Variants in NDUFAB1 observed in about 807,000 individuals in gnomAD.
NDUFAB1 encodes the protein acyl carrier protein, mitochondrial.
Under a neutral mutation model 16.1 loss-of-function variants are expected in NDUFAB1, and 5 were observed. That is an observed-to-expected ratio of 0.31 (90% CI 0.16 to 0.65). The LOEUF (loss-of-function observed/expected upper bound fraction) is 0.65. Among genes scored for constraint, NDUFAB1 ranks in the 30% least tolerant of loss-of-function variants. The pLI, the probability that NDUFAB1 is intolerant of heterozygous loss-of-function variation, is 0.77. For missense variants in NDUFAB1, 187 were observed against 205.3 expected, an observed-to-expected ratio of 0.91 and a Z score of 0.54; for synonymous variants, 85 against 78.4, an observed-to-expected ratio of 1.08 and a Z score of -0.44.
chr16:23,595,598 C>T (rs935448042), intron 1 of NDUFAB1: 15 of 456,134 alleles, frequency 3.3e-5, no homozygotes, highest in Non-Finnish European at 6.2e-5. Context: ...GGCTTGTTTC[C>T]TAGAATTACT....
At chr16:23,584,207 T>A (rs1307114629) in intron 3 of NDUFAB1, among the ~76,000 whole-genome samples, 6 of 118,548 alleles carry the variant, frequency 5.1e-5, no homozygotes, top group Admixed American at 4.0e-4. Flanking sequence ...TATTGTCCTA[T>A]GACCCTGCCA....
At chr16:23,592,166 G>A (rs1295553713) in intron 1 of NDUFAB1, among the ~76,000 whole-genome samples, 1 of 152,172 alleles carries the variant, frequency 6.6e-6, no homozygotes, top group African/African-American at 2.4e-5. Flanking sequence ...AATTCAAGGA[G>A]AGGGAAGAAC....
At chr16:23,584,273 A>AAAAAAAAAAAAAAAAAAAAAAC in intron 3 of NDUFAB1, among the ~76,000 whole-genome samples, 1 of 139,726 alleles carries the variant, frequency 7.2e-6, no homozygotes, top group African/African-American at 2.6e-5. Context: ...AAAAAAAAAA[A>AAAAAAAAAAAAAAAAAAAAAAC]AGAAACCCAG....
chr16:23,594,375 A>T (rs900197320), intron 1 of NDUFAB1, among the ~76,000 whole-genome samples: 3 of 151,304 alleles, frequency 2.0e-5, no homozygotes, highest in African/African-American at 7.3e-5. Flanking sequence ...TGGCTGGCTT[A>T]TTTAAGACGG....
intron 1 of NDUFAB1, among the ~76,000 whole-genome samples, chr16:23,593,493 A>T (rs541883246): frequency 1.1e-4 from 17 of 152,240 alleles, no homozygotes; most frequent in Non-Finnish European, 2.2e-4. Flanking sequence ...CTGGCCCTCA[A>T]TATCTTTGAA....
At chr16:23,593,626 C>T (rs1966297277) in intron 1 of NDUFAB1, among the ~76,000 whole-genome samples, 1 of 152,186 alleles carries the variant, frequency 6.6e-6, no homozygotes, top group African/African-American at 2.4e-5. Context: ...GTCCAAGGAA[C>T]ACCCGCAGCA....
At chr16:23,582,026 A>T (rs1338986699) in intron 4 of NDUFAB1, 1 of 307,422 alleles carries the variant, frequency 3.3e-6, no homozygotes. Flanking sequence ...TACTTTGTAC[A>T]ATGTTCTGCT....
At chr16:23,592,536 C>CA in intron 1 of NDUFAB1, among the ~76,000 whole-genome samples, 1 of 151,824 alleles carries the variant, frequency 6.6e-6, no homozygotes, top group East Asian at 1.9e-4. Flanking sequence ...GAATAGCTAG[C>CA]TTTTTTTTGT....
intron 1 of NDUFAB1, among the ~76,000 whole-genome samples, chr16:23,590,680 A>C (rs1966272852): frequency 1.5e-5 from 2 of 137,192 alleles, no homozygotes; most frequent in East Asian, 2.2e-4. Flanking sequence ...TGTGTTGCCC[A>C]GGCTGGAGTG....
intron 1 of NDUFAB1, among the ~76,000 whole-genome samples, chr16:23,594,517 TA>T (rs1966306457): frequency 6.6e-6 from 1 of 150,420 alleles, no homozygotes; most frequent in African/African-American, 2.4e-5. Context: ...CACGCCCGGA[TA>T]ATTTTTTGTA....
chr16:23,596,252 C>T lies in NDUFAB1; in HGVS notation c.39G>A (p.Leu13=). The change falls in exon 1 of 5, where the codon CTG becomes CTA. Residue 13 remains leucine, a synonymous_variant. Transcript: ENST00000007516. ...GGGGCAGCGGCGCAAAGGCCGCGGG[C>T]AGGCGGCTGACATAGGCTGAAAGGA... ...SRVLSAYVSR[L]PAAFAPLPRV... is the part of the protein sequence containing the mutation. 2 of 1,597,728 alleles carry T rather than the reference C, an allele frequency of 1.3e-6. No individual in the cohort carries two copies. Among genetic ancestry groups the T allele is most frequent in the Non-Finnish European group, 1.7e-6 (2 of 1,173,552 alleles).
intron 1 of NDUFAB1, among the ~76,000 whole-genome samples, chr16:23,592,047 AGAAGTATCT>A (rs1966284687): frequency 6.6e-6 from 1 of 152,240 alleles, no homozygotes; most frequent in South Asian, 2.1e-4. Context: ...GCACCATGAC[AGAAGTATCT>A]GTAGGCTGAT....
chr16:23,587,583 C>G lies in NDUFAB1; in HGVS notation c.169-264G>C, dbSNP rs532340150. ...CTGGCTTCAACCCTCAGGCTCTGGA[C>G]ATTCATACTGCTCTGCGACACTAAC... On this transcript the variant is annotated intron_variant, in intron 1 of 4. Coordinates refer to ENST00000007516, the MANE Select transcript of NDUFAB1 (RefSeq NM_005003.3). Among the ~76,000 whole-genome samples, 14 of 152,334 alleles carry G rather than the reference C, an allele frequency of 9.2e-5. No homozygotes were observed. The South Asian group carries it at 1.9e-3, about 20-fold the overall frequency.
intron 2 of NDUFAB1, among the ~76,000 whole-genome samples, chr16:23,586,478 G>A (rs1297214734): frequency 1.3e-5 from 2 of 151,648 alleles, no homozygotes; most frequent in Admixed American, 6.6e-5. Context: ...GGGATTACAG[G>A]TGTCTGCCAC....
intron 1 of NDUFAB1, among the ~76,000 whole-genome samples, chr16:23,593,853 T>C (rs1381153883): frequency 2.0e-5 from 1 of 49,866 alleles, no homozygotes; most frequent in East Asian, 1.2e-3. Context: ...TTAACCCTTA[T>C]TTATTTATTT....
intron 3 of NDUFAB1, among the ~76,000 whole-genome samples, chr16:23,583,594 A>G (rs918149647): frequency 1.3e-4 from 19 of 142,804 alleles, no homozygotes; most frequent in Non-Finnish European, 2.9e-4. Flanking sequence ...CCCCTCTGAG[A>G]AGTGAGGAGC....
intron 1 of NDUFAB1, among the ~76,000 whole-genome samples, chr16:23,594,718 G>A (rs1159119375): frequency 2.0e-5 from 3 of 151,638 alleles, no homozygotes; most frequent in Admixed American, 1.3e-4. Flanking sequence ...AAACTCCTGG[G>A]CTCAAGCGAT....
chr16:23,583,828 G>A (rs1164299808), intron 3 of NDUFAB1, among the ~76,000 whole-genome samples: 2 of 152,204 alleles, frequency 1.3e-5, no homozygotes, highest in Non-Finnish European at 2.9e-5. Flanking sequence ...AGGGGGAAAT[G>A]TGGGGAAAAG....
At chr16:23,589,360 T>C (rs545228374) in intron 1 of NDUFAB1, among the ~76,000 whole-genome samples, 31 of 151,986 alleles carry the variant, frequency 2.0e-4, no homozygotes, top group South Asian at 6.2e-4. Flanking sequence ...GAGAGTATGA[T>C]AGATATTCTA....
Sources: gnomAD v4.1 joint callset for allele counts (sites outside exome capture counted in the v4.1 genomes callset) on GRCh38, gnomAD v4.1.1 for gene constraint, MANE v1.5 for transcripts, NCBI Gene and HGNC (gene_info 2026-07-23, HGNC 2026-07-21) for gene names.